NRG3: variants seen among roughly 807,000 people sequenced by gnomAD.
NRG3 encodes neuregulin 3.
A neutral mutation model predicts 66.9 loss-of-function variants in NRG3; 31 were observed. That is an observed-to-expected ratio of 0.46 (90% CI 0.35 to 0.63). The LOEUF is 0.63. NRG3 is among the 20% of genes least tolerant of loss of function. NRG3 has a pLI of 0.00. For missense variants in NRG3, 910 were observed against 878.9 expected (o/e 1.04, Z -0.45); for synonymous variants, 393 against 359.4 (o/e 1.09, Z -1.06).
At chr10:82,903,113 C>T (rs958804775) in intron 4 of NRG3, among the ~76,000 whole-genome samples, 3 of 152,066 alleles carry the variant, frequency 2.0e-5, no homozygotes, top group Admixed American at 1.3e-4. Context: ...CCATAGGTGG[C>T]ATCATTTGCA....
At chr10:82,454,642 C>T (rs1251287191) in intron 2 of NRG3, among the ~76,000 whole-genome samples, 1 of 152,112 alleles carries the variant, frequency 6.6e-6, no homozygotes, top group African/African-American at 2.4e-5. Context: ...TCAAAACACT[C>T]AGGAAAGCAC....
chr10:82,570,498 A>G (rs1437488186), intron 2 of NRG3, among the ~76,000 whole-genome samples: 1 of 151,630 alleles, frequency 6.6e-6, no homozygotes, highest in Admixed American at 6.6e-5. Context: ...GCAGACCTCA[A>G]GTACTTAATA....
intron 2 of NRG3, among the ~76,000 whole-genome samples, chr10:82,574,440 T>C (rs1251993079): frequency 1.3e-5 from 2 of 151,686 alleles, no homozygotes; most frequent in African/African-American, 4.8e-5. Context: ...TACAGTTAGA[T>C]GGAAAGAATA....
intron 1 of NRG3, among the ~76,000 whole-genome samples, chr10:82,034,698 A>ACTTTCTATATTAC (rs113560067): frequency 0.93 from 140,477 of 151,816 alleles, 65,173 homozygotes; most frequent in Middle Eastern, 0.99. Context: ...CCTGTTTCTT[A>ACTTTCTATATTAC]CTCCTTGTCA....
intron 2 of NRG3, among the ~76,000 whole-genome samples, chr10:82,554,061 G>A (rs570438710): frequency 6.6e-6 from 1 of 152,212 alleles, no homozygotes; most frequent in South Asian, 2.1e-4. Context: ...GTAAGACTGG[G>A]TTTACAACAA....
At chr10:82,361,532 CTATT>C (rs1349391527) in intron 2 of NRG3, among the ~76,000 whole-genome samples, 2 of 152,126 alleles carry the variant, frequency 1.3e-5, no homozygotes, top group Non-Finnish European at 2.9e-5. Context: ...GTACAGCACT[CTATT>C]TAAGTAGTAT....
intron 1 of NRG3, among the ~76,000 whole-genome samples, chr10:82,279,331 C>T (rs763493039): frequency 2.0e-5 from 3 of 152,148 alleles, no homozygotes; most frequent in Non-Finnish European, 2.9e-5. Context: ...AAAGAACCAT[C>T]AAACTGGCAC....
At chr10:82,150,094 C>G (rs1433403560) in intron 1 of NRG3, among the ~76,000 whole-genome samples, 1 of 152,086 alleles carries the variant, frequency 6.6e-6, no homozygotes, top group African/African-American at 2.4e-5. Context: ...CCTGGTACCC[C>G]TGGACCACCC....
chr10:81,943,310 C>T (rs1375621443), intron 1 of NRG3, among the ~76,000 whole-genome samples: 1 of 152,066 alleles, frequency 6.6e-6, no homozygotes, highest in Non-Finnish European at 1.5e-5. Context: ...GTGCCCAGGA[C>T]TTTGAGGCTG....
intron 4 of NRG3, among the ~76,000 whole-genome samples, chr10:82,929,936 G>A (rs143364451): frequency 6.6e-6 from 1 of 152,086 alleles, no homozygotes; most frequent in Non-Finnish European, 1.5e-5. Context: ...ACACAAAGAG[G>A]GATTTTGATG....
At chr10:82,005,958 A>G (rs2061364624) in intron 1 of NRG3, among the ~76,000 whole-genome samples, 1 of 150,552 alleles carries the variant, frequency 6.6e-6, no homozygotes. Context: ...ATTTTATTTC[A>G]CCTTATGAAA....
intron 1 of NRG3, among the ~76,000 whole-genome samples, chr10:82,022,636 C>A (rs1235320279): frequency 6.6e-6 from 1 of 151,926 alleles, no homozygotes; most frequent in Non-Finnish European, 1.5e-5. Context: ...ATTACTTGCC[C>A]TGGCCTTTTG....
chr10:82,478,231 CTTTTTTTTT>C lies in NRG3; in HGVS notation c.953+119383_953+119391del, dbSNP rs1210990084. On this transcript the variant is annotated intron_variant, in intron 2 of 8. Transcript: ENST00000372141. ...ATGCTGAGTGTTGGCTTGTGTCACT[CTTTTTTTTT>C]TTTTTTTTTTTTTTTTTTTAATTTA... 1.7e-4 allele frequency among the ~76,000 whole-genome samples: 3 copies of C among 18,150 alleles called. 1 individual carries two copies. The highest frequency in any genetic ancestry group is 1.6e-3 in the Admixed American group (2 of 1,244). 11.9% of individuals were successfully genotyped at this position (18,150 alleles called of 152,430 possible). A position where few individuals can be genotyped will look rare whatever the true frequency, so the allele number is the denominator to read the frequency against.
chr10:82,918,530 G>T (rs986232153), intron 4 of NRG3, among the ~76,000 whole-genome samples: 1 of 152,130 alleles, frequency 6.6e-6, no homozygotes, highest in African/African-American at 2.4e-5. Flanking sequence ...CAATATTCAA[G>T]ATACTGTGGA....
At chr10:82,355,309 A>G (rs1031353389) in intron 1 of NRG3, among the ~76,000 whole-genome samples, 2 of 152,342 alleles carry the variant, frequency 1.3e-5, no homozygotes, top group East Asian at 1.9e-4. Flanking sequence ...AGCTGGATAC[A>G]TTAGAGCACA....
chr10:82,692,471 A>C (rs922689564), intron 2 of NRG3, among the ~76,000 whole-genome samples: 2 of 152,202 alleles, frequency 1.3e-5, no homozygotes, highest in African/African-American at 4.8e-5. Flanking sequence ...AGGAAGAATT[A>C]GGCATGCAGA....
At chr10:82,004,467 A>G (rs1331498830) in intron 1 of NRG3, among the ~76,000 whole-genome samples, 1 of 152,156 alleles carries the variant, frequency 6.6e-6, no homozygotes, top group Non-Finnish European at 1.5e-5. Flanking sequence ...TCATTTATTT[A>G]CCATGTGGCT....
intron 2 of NRG3, among the ~76,000 whole-genome samples, chr10:82,719,363 T>C (rs188176209): frequency 3.5e-4 from 53 of 152,350 alleles, no homozygotes; most frequent in Admixed American, 1.6e-3. Flanking sequence ...GTTTATGTTC[T>C]ATAGATAAAG....
chr10:82,377,457 T>TGTGCGC (rs57900993), intron 2 of NRG3, among the ~76,000 whole-genome samples: 17,781 of 150,052 alleles, frequency 0.12, 1,235 homozygotes, highest in East Asian at 0.2. Flanking sequence ...TGTGTGTGTG[T>TGTGCGC]GCGCGAGCGC....
Sources: gnomAD v4.1 joint callset for allele counts (sites outside exome capture counted in the v4.1 genomes callset) on GRCh38, gnomAD v4.1.1 for gene constraint, MANE v1.5 for transcripts, NCBI Gene and HGNC (gene_info 2026-07-23, HGNC 2026-07-21) for gene names.